Variants in ADGRB3 observed in about 807,000 individuals in gnomAD.
ADGRB3 encodes brain-specific angiogenesis inhibitor 3.
In ADGRB3, 37 loss-of-function variants were observed where a neutral mutation model predicts 193.4. That is an observed-to-expected ratio of 0.19 (90% CI 0.15 to 0.25). ADGRB3 has a LOEUF of 0.25. ADGRB3 is among the 10% of genes least tolerant of loss of function. ADGRB3 has a pLI of 1.00. For missense variants in ADGRB3, 1,637 were observed against 1,852.9 expected, an observed-to-expected ratio of 0.88 and a Z score of 2.14; for synonymous variants, 690 against 644.2, an observed-to-expected ratio of 1.07 and a Z score of -1.08.
At chr6:69,307,759 T>C (rs2127299103) in intron 20 of ADGRB3, among the ~76,000 whole-genome samples, 1 of 151,574 alleles carries the variant, frequency 6.6e-6, no homozygotes, top group East Asian at 2.0e-4. Flanking sequence ...TCTAGTTATC[T>C]AGTTTACTGC....
intron 3 of ADGRB3, among the ~76,000 whole-genome samples, chr6:68,772,047 A>G (rs1474208401): frequency 2.6e-5 from 4 of 152,152 alleles, no homozygotes; most frequent in Admixed American, 1.3e-4. Context: ...TAACAATGGA[A>G]TATTGCTTTA....
At chr6:68,637,712 T>C (rs1229841773) in intron 2 of ADGRB3, 150 bp downstream of exon 2, 1 of 152,324 alleles carries the variant, frequency 6.6e-6, no homozygotes, top group Non-Finnish European at 1.5e-5. Flanking sequence ...TAATGTATTT[T>C]ATTACCATGT....
intron 20 of ADGRB3, among the ~76,000 whole-genome samples, chr6:69,260,209 G>A (rs1766894724): frequency 6.6e-6 from 1 of 152,162 alleles, no homozygotes; most frequent in African/African-American, 2.4e-5. Flanking sequence ...TGAATGCATA[G>A]TAGACCAGAC....
chr6:69,339,681 A>C (rs1332095181), intron 26 of ADGRB3, among the ~76,000 whole-genome samples, 177 bp downstream of exon 26: 2 of 152,210 alleles, frequency 1.3e-5, no homozygotes, highest in Admixed American at 1.3e-4. Flanking sequence ...AGCCCCCAGC[A>C]CTCTGAAAGT....
intron 3 of ADGRB3, among the ~76,000 whole-genome samples, chr6:68,727,277 G>A (rs1260468503): frequency 1.3e-5 from 2 of 151,586 alleles, no homozygotes; most frequent in Admixed American, 1.3e-4. Context: ...TATAAACTCA[G>A]AATTCTTCTC....
At chr6:68,835,549 T>C (rs965639130) in intron 3 of ADGRB3, among the ~76,000 whole-genome samples, 1 of 152,152 alleles carries the variant, frequency 6.6e-6, no homozygotes, top group Non-Finnish European at 1.5e-5. Flanking sequence ...AAACATGATA[T>C]ATGTTCCTAT....
At chr6:69,093,104 G>A (rs1249758121) in intron 17 of ADGRB3, among the ~76,000 whole-genome samples, 1 of 151,770 alleles carries the variant, frequency 6.6e-6, no homozygotes, top group Non-Finnish European at 1.5e-5. Context: ...TCAAGGAAGA[G>A]CGGGGTGGGC....
At chr6:69,032,601 A>G (rs1163684228) in intron 13 of ADGRB3, among the ~76,000 whole-genome samples, 1 of 152,154 alleles carries the variant, frequency 6.6e-6, no homozygotes. Context: ...ATTTCATTTC[A>G]CCTTTTCAAA....
At chr6:68,976,299 A>AT (rs1334035496) in intron 10 of ADGRB3, among the ~76,000 whole-genome samples, 3 of 152,102 alleles carry the variant, frequency 2.0e-5, no homozygotes, top group African/African-American at 4.8e-5. Context: ...AAAGAAAAGC[A>AT]TTTTTTTAAA....
chr6:69,146,940 T>C (rs531778100), intron 17 of ADGRB3, among the ~76,000 whole-genome samples: 31 of 151,422 alleles, frequency 2.0e-4, no homozygotes, highest in African/African-American at 6.3e-4. Context: ...AATTCGTTCA[T>C]ATATAGTTGC....
chr6:68,980,113 GGAAATAT>G (rs1317913028), intron 10 of ADGRB3, among the ~76,000 whole-genome samples: 2 of 151,478 alleles, frequency 1.3e-5, no homozygotes, highest in Non-Finnish European at 3.0e-5. Flanking sequence ...TCTTCCATAG[GGAAATAT>G]GAAGAGTTAG....
intron 17 of ADGRB3, among the ~76,000 whole-genome samples, chr6:69,206,436 A>C (rs1055328066): frequency 7.2e-5 from 11 of 152,096 alleles, no homozygotes; most frequent in African/African-American, 2.7e-4. Flanking sequence ...AATTCAGTCA[A>C]ATTGACACTC....
chr6:68,977,274 G>A (rs1457050746), intron 10 of ADGRB3, among the ~76,000 whole-genome samples: 3 of 151,634 alleles, frequency 2.0e-5, no homozygotes, highest in African/African-American at 7.3e-5. Context: ...TTAGGTATAA[G>A]TAAAAATGTA....
At chr6:69,187,290 T>C (rs1479890205) in intron 17 of ADGRB3, among the ~76,000 whole-genome samples, 1 of 152,172 alleles carries the variant, frequency 6.6e-6, no homozygotes, top group East Asian at 1.9e-4. Context: ...TTCCCTATAA[T>C]ATTGGATCTA....
chr6:68,736,174 G>A (rs1765866946), intron 3 of ADGRB3, among the ~76,000 whole-genome samples: 1 of 127,182 alleles, frequency 7.9e-6, no homozygotes, highest in South Asian at 2.4e-4. Flanking sequence ...CAACATGACT[G>A]GCTAATTAAA....
Position 69,049,263 on chromosome 6 carries a change from CT to C in ADGRB3, c.2258-5del. The C allele has an allele frequency of 6.3e-7, 1 of 1,580,108 alleles. No homozygotes were observed. Among genetic ancestry groups the C allele is most frequent in the African/African-American group, 1.4e-5 (1 of 73,782 alleles). ...GTTTGCTAATACTTCAAAATTTATTCTTTCTAGAATTAGATGAATCATCTGT... is the reference window on the plus strand; with the variant it reads ...GTTTGCTAATACTTCAAAATTTATTCTTCTAGAATTAGATGAATCATCTGT... On this transcript the variant is annotated splice_region_variant and splice_polypyrimidine_tract_variant and intron_variant, in intron 14 of 31. Transcript: ENST00000370598.
intron 20 of ADGRB3, among the ~76,000 whole-genome samples, chr6:69,268,225 A>T (rs572172042): frequency 2.6e-5 from 4 of 152,276 alleles, no homozygotes; most frequent in Non-Finnish European, 2.9e-5. Context: ...ATAATGTGCA[A>T]GTATAATATT....
intron 17 of ADGRB3, among the ~76,000 whole-genome samples, chr6:69,116,334 G>A (rs1282861314): frequency 1.3e-5 from 2 of 152,102 alleles, no homozygotes; most frequent in Non-Finnish European, 2.9e-5. Context: ...AACCCTCTCA[G>A]CATGTTTCTA....
chr6:69,262,015 C>T (rs1001614649), intron 20 of ADGRB3, among the ~76,000 whole-genome samples: 1 of 151,940 alleles, frequency 6.6e-6, no homozygotes, highest in African/African-American at 2.4e-5. Context: ...TTCTGTATCT[C>T]TTGTGAATAC....
Sources: allele counts gnomAD v4.1 joint callset (sites outside exome capture counted in the v4.1 genomes callset), GRCh38; gene constraint gnomAD v4.1.1; transcripts MANE v1.5; gene names NCBI Gene and HGNC (gene_info 2026-07-23, HGNC 2026-07-21).